The following RRP36 variants were observed in gnomAD, a reference collection of about 807,000 sequenced individuals.
RRP36 encodes the protein ribosomal RNA processing protein 36 homolog.
A neutral mutation model predicts 39.8 loss-of-function variants in RRP36; 44 were observed. That is an observed-to-expected ratio of 1.10 (90% confidence interval 0.87 to 1.42). The LOEUF (loss-of-function observed/expected upper bound fraction) is 1.42, where lower values mean the gene tolerates loss of function less well. RRP36 is among the 40% of genes most tolerant of loss of function. The pLI is 0.00. For missense variants in RRP36, 316 were observed against 322.4 expected, an observed-to-expected ratio of 0.98 and a Z score of 0.15; for synonymous variants, 124 against 123.1, an observed-to-expected ratio of 1.01 and a Z score of -0.05.
chr6:43,021,807 G>T, intron 1 of RRP36, 23 bp downstream of exon 1: 2 of 1,192,608 alleles, frequency 1.7e-6, no homozygotes, highest in South Asian at 8.6e-5. Flanking sequence ...GGCAGGGCGG[G>T]CTGGGGAGGG....
chr6:43,027,269 T>C lies in RRP36; in HGVS notation c.525+17T>C, dbSNP rs1446930045. Reference sequence around the variant, plus strand: ...CAGCGAATGGTGAGTGGGTAATAATTGTGGTGGGTAATGAAAGCAATTAAA... The same window carrying C: ...CAGCGAATGGTGAGTGGGTAATAATCGTGGTGGGTAATGAAAGCAATTAAA... On this transcript the variant is annotated intron_variant, in intron 5 of 6. Transcript: ENST00000244496. 1 of 1,613,630 alleles carries C rather than the reference T, an allele frequency of 6.2e-7. No homozygotes were observed. The highest frequency in any genetic ancestry group is 2.2e-5 in the East Asian group (1 of 44,872).
chr6:43,029,533 C>T lies in RRP36; in HGVS notation c.*305C>T. The T allele has an allele frequency of 3.6e-6, 1 of 274,086 alleles. No homozygotes were observed. The highest frequency in any genetic ancestry group is 6.8e-6 in the Non-Finnish European group (1 of 146,018). 17.0% of individuals were successfully genotyped at this position (274,086 alleles called of 1,614,324 possible). ...GAGGGGCCAATGAAAACCATGGAGT[C>T]TGTTCGTGACTCCCAGGGCTGGGAC... On this transcript the variant is annotated 3_prime_UTR_variant, in exon 7 of 7. Coordinates refer to ENST00000244496, the MANE Select transcript of RRP36 (RefSeq NM_033112.4).
chr6:43,027,828 TACACAC>T (rs143577260), intron 6 of RRP36, among the ~76,000 whole-genome samples: 41 of 139,264 alleles, frequency 2.9e-4, no homozygotes, highest in South Asian at 4.7e-4. Context: ...TCTCTTGGTC[TACACAC>T]ACACACACAC....
At position 43,027,356 on chromosome 6, in the gene RRP36, TC is replaced by T. The variant is rs1171678841; in HGVS notation, c.526-3del. On this transcript the variant is annotated splice_region_variant and splice_polypyrimidine_tract_variant and intron_variant, in intron 5 of 6. Transcript: ENST00000244496. ...CGTTCACCCATCTCATCTTTGCTCC[TC>T]AGGAGCAGCAAGAAATGGCACAGCA... is the stretch of plus-strand genomic sequence containing the variant. The T allele has an allele frequency of 6.2e-7, 1 of 1,614,120 alleles. No individual in the cohort carries two copies. Among genetic ancestry groups the T allele is most frequent in the Admixed American group, 1.7e-5 (1 of 60,012 alleles).
intron 6 of RRP36, among the ~76,000 whole-genome samples, chr6:43,027,819 C>T (rs1302541372): frequency 1.5e-5 from 2 of 137,576 alleles, no homozygotes; most frequent in East Asian, 4.5e-4. Flanking sequence ...TCAGTTTTAT[C>T]TCTTGGTCTA....
chr6:43,027,464 C>G lies in RRP36; in HGVS notation c.630C>G (p.Tyr210Ter). Residue 210 changes from tyrosine (Y) to a stop codon, truncating the protein, a stop_gained, in exon 6 of 7, where the codon TAC becomes TAG. Transcript: ENST00000244496. LOFTEE classifies it high-confidence loss of function. Reference protein sequence around the residue: ...RAQAQQGHRPYFLKKSEQRQL... With the variant: ...RAQAQQGHRP ...AGGCCCAGCAGGGCCATCGGCCATA[C>G]TTCCTGAAAAAATGTGAGTTGGGCA... The G allele has an allele frequency of 6.2e-7, 1 of 1,613,556 alleles. No homozygotes were observed. Among genetic ancestry groups the G allele is most frequent in the Non-Finnish European group, 8.5e-7 (1 of 1,179,736 alleles).
At chr6:43,022,941 A>C (rs1284986327) in intron 1 of RRP36, among the ~76,000 whole-genome samples, 1 of 151,890 alleles carries the variant, frequency 6.6e-6, no homozygotes, top group Non-Finnish European at 1.5e-5. Context: ...AGGTCTCATC[A>C]TGTTACCAGG....
At chr6:43,022,907 A>G (rs536957523) in intron 1 of RRP36, among the ~76,000 whole-genome samples, 50 of 151,950 alleles carry the variant, frequency 3.3e-4, no homozygotes, top group Non-Finnish European at 5.6e-4. Context: ...CTGGGATTAC[A>G]GGCGTGAGCC....
At position 43,021,641 on chromosome 6, in the gene RRP36, G is replaced by T; in HGVS notation, c.-14G>T. ...AAGCGGCGCCATTCGTCTTCCGAGCGCTACTGCCAGCTGATGCCGGGAGCT... is the reference window on the plus strand; with the variant it reads ...AAGCGGCGCCATTCGTCTTCCGAGCTCTACTGCCAGCTGATGCCGGGAGCT... On this transcript the variant is annotated 5_prime_UTR_variant, in exon 1 of 7. Coordinates refer to ENST00000244496, the MANE Select transcript of RRP36 (RefSeq NM_033112.4). The T allele has an allele frequency of 7.8e-7, 1 of 1,283,584 alleles. No individual in the cohort carries two copies. Among genetic ancestry groups the T allele is most frequent in the Non-Finnish European group, 9.9e-7 (1 of 1,014,164 alleles). The allele number at this position is 1,283,584 out of a possible 1,614,324, so 79.5% of individuals were successfully genotyped here. A position where few individuals can be genotyped will look rare whatever the true frequency, so the allele number is the denominator to read the frequency against.
chr6:43,025,415 A>G, intron 3 of RRP36, 86 bp downstream of exon 3: 2 of 1,207,072 alleles, frequency 1.7e-6, no homozygotes, highest in South Asian at 2.5e-5. Context: ...TGAGATCAGG[A>G]GTTCCAAGAC....
Position 43,025,103 on chromosome 6 carries a change from C to G in RRP36, c.249C>G (p.Ile83Met). 1 of 1,614,212 alleles carries G rather than the reference C, an allele frequency of 6.2e-7. No individual in the cohort carries two copies. The highest frequency in any genetic ancestry group is 8.5e-7 in the Non-Finnish European group (1 of 1,180,034). The change falls in exon 2 of 7, where the codon ATC becomes ATG. Residue 83 changes from isoleucine to methionine, a missense_variant. Physicochemically the swap from Ile to Met is conservative, Grantham distance 10 (BLOSUM62 1). Coordinates refer to ENST00000244496, the MANE Select transcript of RRP36 (RefSeq NM_033112.4). Reference protein sequence around the residue: ...SPKKQASRPPIQNACVADKHR... With the variant: ...SPKKQASRPPMQNACVADKHR... The stretch of plus-strand genomic sequence containing the variant: ...AGAAACAAGCTTCTAGACCACCTAT[C>G]CAAAATGCATGTGTTGCAGATAAGC...
At chr6:43,027,503 C>T (rs758586321) in intron 6 of RRP36, 26 bp downstream of exon 6, 39 of 1,586,440 alleles carry the variant, frequency 2.5e-5, no homozygotes, top group African/African-American at 4.0e-5. Context: ...CTGTTGCTAA[C>T]AGGGACAGGG....
intron 6 of RRP36, among the ~76,000 whole-genome samples, chr6:43,028,567 G>C (rs1198737721): frequency 6.6e-6 from 1 of 151,910 alleles, no homozygotes; most frequent in Non-Finnish European, 1.5e-5. Context: ...AGAATCGCTT[G>C]AATCTGGGAG....
chr6:43,027,470 G>A lies in RRP36; in HGVS notation c.636G>A (p.Leu212=), dbSNP rs913015407. ...AGCAGGGCCATCGGCCATACTTCCT[G>A]AAAAAATGTGAGTTGGGCACAACTG... is the stretch of plus-strand genomic sequence containing the variant. ...QAQQGHRPYF[L]KKSEQRQLAL... The change falls in exon 6 of 7, where the codon CTG becomes CTA. Residue 212 remains leucine, a synonymous_variant. Coordinates refer to ENST00000244496, the MANE Select transcript of RRP36 (RefSeq NM_033112.4). 5 of 1,612,910 alleles carry A rather than the reference G, an allele frequency of 3.1e-6. No homozygotes were observed. Among genetic ancestry groups the A allele is most frequent in the Non-Finnish European group, 4.2e-6 (5 of 1,179,532 alleles).
rs369885454 is a variant in RRP36, at chr6:43,027,183, G to C, written c.456G>C (p.Val152=). 1 of 1,613,998 alleles carries C rather than the reference G, an allele frequency of 6.2e-7. No individual in the cohort carries two copies. Among genetic ancestry groups the C allele is most frequent in the East Asian group, 2.2e-5 (1 of 44,884 alleles). The change falls in exon 5 of 7, where the codon GTG becomes GTC. Residue 152 remains valine (V), a synonymous_variant. Transcript: ENST00000244496. ...ACTCATTTTCCAATGTGGAGCTTGTGAAAAAACAGTTGAAGAAGCACCTTT... is the reference window on the plus strand; with the variant it reads ...ACTCATTTTCCAATGTGGAGCTTGTCAAAAAACAGTTGAAGAAGCACCTTT... ...NDIRAKEKEL[V]KKQLKKHLSG...
rs572074645 is a variant in RRP36, at chr6:43,029,182, G to A, written c.734G>A (p.Arg245Gln). The A allele has an allele frequency of 1.9e-6, 3 of 1,614,240 alleles. No individual in the cohort carries two copies. The highest frequency in any genetic ancestry group is 1.3e-5 in the African/African-American group (1 of 75,056). Residue 245 changes from arginine (R) to glutamine (Q), a missense_variant, in exon 7 of 7, where the codon CGA becomes CAA. Physicochemically the swap from Arg to Gln is conservative, Grantham distance 43. Transcript: ENST00000244496. ...LENFLSRKRR[R>Q]NAGKDRRHLP... ...AACTTCTTGAGTCGAAAGAGGCGAC[G>A]AAATGCAGGCAAGGACAGGAGACAT... is the stretch of plus-strand genomic sequence containing the variant.
intron 6 of RRP36, 80 bp downstream of exon 6, chr6:43,027,557 G>A: frequency 8.6e-7 from 1 of 1,162,906 alleles, no homozygotes; most frequent in Non-Finnish European, 1.3e-6. Context: ...GGGTGTCCCT[G>A]ATCCCCTTTA....
intron 1 of RRP36, among the ~76,000 whole-genome samples, chr6:43,022,182 T>G (rs143683138): frequency 0.019 from 2,815 of 152,000 alleles, 40 homozygotes; most frequent in Middle Eastern, 0.048. Flanking sequence ...GTCGGCAAGC[T>G]CCGCCTCCCG....
chr6:43,029,245 G>T lies in RRP36; in HGVS notation c.*17G>T. 1 of 1,613,068 alleles carries T rather than the reference G, an allele frequency of 6.2e-7. No individual in the cohort carries two copies. The highest frequency in any genetic ancestry group is 8.5e-7 in the Non-Finnish European group (1 of 1,179,138). ...AAAGAGTAATAAGGAACTATCCTCT[G>T]CTCTGCCACTGCCCCAGGGAGACAT... On this transcript the variant is annotated 3_prime_UTR_variant, in exon 7 of 7. Transcript: ENST00000244496.
Sources: gnomAD v4.1 joint callset for allele counts (sites outside exome capture counted in the v4.1 genomes callset) on GRCh38, gnomAD v4.1.1 for gene constraint, MANE v1.5 for transcripts, NCBI Gene and HGNC (gene_info 2026-07-23, HGNC 2026-07-21) for gene names.